PPP4R1: variants seen among roughly 807,000 people sequenced by gnomAD.
PPP4R1 encodes serine/threonine-protein phosphatase 4 regulatory subunit 1.
Under a neutral mutation model 111.2 loss-of-function variants are expected in PPP4R1, and 42 were observed. The ratio of observed to expected loss-of-function variants is 0.38; its 90% CI spans 0.29 to 0.49. The LOEUF is 0.49. PPP4R1 is among the 20% of genes least tolerant of loss of function. The probability of loss-of-function intolerance (pLI) is 0.97; values close to 1 mark genes in which losing one functional copy is unlikely to be tolerated. For missense variants in PPP4R1, 1,012 were observed against 1,161.6 expected (o/e 0.87, Z 1.87); for synonymous variants, 409 against 405.5 (o/e 1.01, Z -0.10).
In PPP4R1 at chr18:9,568,051, C is replaced by T. The variant is rs1186295204; in HGVS notation, c.1573+2106G>A. Among the ~76,000 whole-genome samples, 6 of 152,212 alleles carry T rather than the reference C, an allele frequency of 3.9e-5. No homozygotes were observed. In the South Asian group the frequency reaches 1.2e-3, roughly 32 times the overall value. On this transcript the variant is annotated intron_variant, in intron 11 of 19. Coordinates refer to ENST00000400556, the MANE Select transcript of PPP4R1 (RefSeq NM_001042388.3). Reference sequence around the variant, plus strand: ...ACACAACTTTTATAAAATTCTGAGACTGGGTCTTACTCTCTCACCCAGGCT... The same window carrying T: ...ACACAACTTTTATAAAATTCTGAGATTGGGTCTTACTCTCTCACCCAGGCT...
In PPP4R1 at chr18:9,583,192, A is replaced by G. The variant is rs1460289721; in HGVS notation, c.843T>C (p.Cys281=). 1.3e-5 allele frequency: 21 copies of G among 1,611,980 alleles called. No homozygotes were observed. Among genetic ancestry groups the G allele is most frequent in the Non-Finnish European group, 1.8e-5 (21 of 1,178,516 alleles). The change falls in exon 9 of 20, where the codon TGT becomes TGC. Residue 281 remains cysteine, a synonymous_variant. Transcript: ENST00000400556. ...TCCGTCGGATTTCTTGACATGTTGC[A>G]CATGAAACCGCCATGAAGCATTCAG... ...ACAECFMAVS[C]ATCQEIRRTK...
chr18:9,556,595 T>A (rs2066589913), intron 15 of PPP4R1, among the ~76,000 whole-genome samples: 1 of 152,158 alleles, frequency 6.6e-6, no homozygotes, highest in South Asian at 2.1e-4. Context: ...ACAACAGTAC[T>A]CCAGGAGTAA....
chr18:9,561,235 A>T (rs1343399338), intron 13 of PPP4R1, among the ~76,000 whole-genome samples: 16 of 147,592 alleles, frequency 1.1e-4, no homozygotes, highest in Non-Finnish European at 2.1e-4. Flanking sequence ...TAATAATAAT[A>T]ATAATAATAA....
At chr18:9,554,326 A>G (rs1220965624) in intron 15 of PPP4R1, among the ~76,000 whole-genome samples, 2 of 151,846 alleles carry the variant, frequency 1.3e-5, no homozygotes, top group Non-Finnish European at 2.9e-5. Flanking sequence ...ACGGGGATTC[A>G]CCGTGTTAGC....
At position 9,588,248 on chromosome 18, in the gene PPP4R1, TAAC is replaced by T; in HGVS notation, c.439-16_439-14del. ...TTGTTTTCCTCACCTAGGAGAAAAA[TAAC>T]AACACAAAGAAAGTACATATGCAAC... On this transcript the variant is annotated splice_polypyrimidine_tract_variant and intron_variant, in intron 5 of 19. Transcript: ENST00000400556. The T allele has an allele frequency of 1.2e-6, 2 of 1,610,602 alleles. No homozygotes were observed. The highest frequency in any genetic ancestry group is 1.1e-5 in the South Asian group (1 of 90,494).
chr18:9,556,359 A>G (rs1312120312), intron 15 of PPP4R1, among the ~76,000 whole-genome samples: 2 of 151,244 alleles, frequency 1.3e-5, no homozygotes, highest in Non-Finnish European at 3.0e-5. Context: ...CGCCCAGCTA[A>G]TTTTTTGTAT....
chr18:9,574,688 T>C (rs1021067037), intron 10 of PPP4R1, among the ~76,000 whole-genome samples: 34 of 152,170 alleles, frequency 2.2e-4, no homozygotes, highest in Non-Finnish European at 5.9e-5. Context: ...TACTGGATGA[T>C]AGATGCCAAT....
intron 2 of PPP4R1, among the ~76,000 whole-genome samples, chr18:9,607,764 T>G (rs541321840): frequency 1.3e-5 from 2 of 151,652 alleles, no homozygotes; most frequent in East Asian, 3.9e-4. Context: ...GAAAACAGTT[T>G]GGCAGTTTTT....
chr18:9,555,470 A>C (rs1210968596), intron 15 of PPP4R1, among the ~76,000 whole-genome samples: 1 of 152,200 alleles, frequency 6.6e-6, no homozygotes, highest in Non-Finnish European at 1.5e-5. Flanking sequence ...CAGAGTTCTA[A>C]AGTATCACCT....
intron 6 of PPP4R1, among the ~76,000 whole-genome samples, chr18:9,586,806 T>C (rs1414607861): frequency 6.6e-6 from 1 of 152,178 alleles, no homozygotes; most frequent in Non-Finnish European, 1.5e-5. Context: ...TAATTTACCA[T>C]GAGAATTACT....
chr18:9,598,861 A>T lies in PPP4R1; in HGVS notation c.53-3708T>A, dbSNP rs1373069371. The stretch of plus-strand genomic sequence containing the variant: ...GCAATATAGTAAAACCTTGCCTCTA[A>T]AAAAAAATACAAAAATTAGCTGGGC... On this transcript the variant is annotated intron_variant, in intron 2 of 19. Coordinates refer to ENST00000400556, the MANE Select transcript of PPP4R1 (RefSeq NM_001042388.3). Among the ~76,000 whole-genome samples the T allele has an allele frequency of 9.2e-5, 3 of 32,670 alleles. No homozygotes were observed. The East Asian group carries it at 3.1e-3, about 34-fold the overall frequency. 21.4% of individuals were successfully genotyped at this position (32,670 alleles called of 152,430 possible). A position where few individuals can be genotyped will look rare whatever the true frequency, so the allele number is the denominator to read the frequency against.
chr18:9,603,162 C>A (rs1201819700), intron 2 of PPP4R1, among the ~76,000 whole-genome samples: 1 of 111,292 alleles, frequency 9.0e-6, no homozygotes, highest in East Asian at 2.1e-4. Context: ...AGTTTTCATT[C>A]AACCAATTAG....
intron 15 of PPP4R1, among the ~76,000 whole-genome samples, chr18:9,555,889 C>T (rs2066566888): frequency 6.6e-6 from 1 of 152,134 alleles, no homozygotes. Context: ...GTAATCCCAG[C>T]ACTTTGGGAG....
At chr18:9,596,544 C>T (rs2067292943) in intron 2 of PPP4R1, among the ~76,000 whole-genome samples, 1 of 152,152 alleles carries the variant, frequency 6.6e-6, no homozygotes, top group Non-Finnish European at 1.5e-5. Flanking sequence ...ACAAAGTAAG[C>T]ATTTAAGTAT....
chr18:9,583,366 T>C, intron 8 of PPP4R1, 91 bp from the exon 9 acceptor site: 1 of 1,147,204 alleles, frequency 8.7e-7, no homozygotes, highest in African/African-American at 1.6e-5. Context: ...CACGCTTCTT[T>C]TGTTTGTTTG....
At chr18:9,549,610 A>G (rs1401844403) in intron 18 of PPP4R1, among the ~76,000 whole-genome samples, 1 of 152,174 alleles carries the variant, frequency 6.6e-6, no homozygotes, top group Non-Finnish European at 1.5e-5. Context: ...AGACATGAGC[A>G]CCCTCTAGTG....
chr18:9,597,164 C>G (rs2067303393), intron 2 of PPP4R1, among the ~76,000 whole-genome samples: 1 of 152,104 alleles, frequency 6.6e-6, no homozygotes, highest in Non-Finnish European at 1.5e-5. Flanking sequence ...AAAGATAAAA[C>G]ATACGAAGCC....
chr18:9,589,611 T>C (rs1031550722), intron 4 of PPP4R1, among the ~76,000 whole-genome samples: 2 of 152,120 alleles, frequency 1.3e-5, no homozygotes, highest in African/African-American at 4.8e-5. Context: ...TTATACATTA[T>C]AAAAACTTTA....
At chr18:9,557,064 G>T in intron 15 of PPP4R1, 157 bp downstream of exon 15, 1 of 609,606 alleles carries the variant, frequency 1.6e-6, no homozygotes, top group South Asian at 2.5e-5. Context: ...ATAATTATGG[G>T]ACCATTTCTT....
Sources: allele counts gnomAD v4.1 joint callset (sites outside exome capture counted in the v4.1 genomes callset), GRCh38; gene constraint gnomAD v4.1.1; transcripts MANE v1.5; gene names NCBI Gene and HGNC (gene_info 2026-07-23, HGNC 2026-07-21).